VPS13B: variants seen among roughly 807,000 people sequenced by gnomAD.
VPS13B encodes the protein intermembrane lipid transfer protein VPS13B.
VPS13B carries 285 observed loss-of-function variants against 426.4 expected under a neutral mutation model. The observed-to-expected ratio is 0.67, with a 90% CI of 0.61 to 0.74. The LOEUF is 0.74. Ranked by LOEUF, VPS13B falls within the 30% of genes least tolerant of loss-of-function variation. The pLI, the probability that VPS13B is intolerant of heterozygous loss-of-function variation, is 0.00. For synonymous variants in VPS13B, 1,676 were observed against 1,676.4 expected, an observed-to-expected ratio of 1.00 and a Z score of 0.01; for missense variants, 4,537 against 4,782.6, an observed-to-expected ratio of 0.95 and a Z score of 1.51.
At chr8:99,418,719 C>T (rs1206453536) in intron 21 of VPS13B, among the ~76,000 whole-genome samples, 1 of 151,902 alleles carries the variant, frequency 6.6e-6, no homozygotes, top group Non-Finnish European at 1.5e-5. Context: ...TGGCTAATAA[C>T]ACTTTATCTT....
rs976457986 is a variant in VPS13B, at chr8:99,136,573, C to T, written c.1564-92C>T. On this transcript the variant is annotated intron_variant, in intron 11 of 61. Transcript: ENST00000357162. ...GTCATCCTTTGTGTTGTTATACATTCTATATAAAGATATGTGTCTAACCTA... is the reference window on the plus strand; with the variant it reads ...GTCATCCTTTGTGTTGTTATACATTTTATATAAAGATATGTGTCTAACCTA... 1.6e-5 allele frequency: 19 copies of T among 1,212,786 alleles called. No individual in the cohort carries two copies. In the African/African-American group the frequency reaches 2.7e-4, roughly 17 times the overall value. 75.1% of individuals were successfully genotyped at this position (1,212,786 alleles called of 1,614,324 possible).
intron 25 of VPS13B, among the ~76,000 whole-genome samples, chr8:99,497,971 G>T (rs543505014): frequency 1.3e-5 from 2 of 151,808 alleles, no homozygotes; most frequent in Admixed American, 6.6e-5. Context: ...GAATATCTAT[G>T]AAAAAAATAA....
intron 17 of VPS13B, among the ~76,000 whole-genome samples, chr8:99,202,244 T>TAAAATTCAA (rs1814375195): frequency 6.6e-6 from 1 of 152,202 alleles, no homozygotes; most frequent in Non-Finnish European, 1.5e-5. Flanking sequence ...GAGAAAAGAA[T>TAAAATTCAA]AAAATTCAAG....
At chr8:99,076,048 C>T (rs551370326) in intron 3 of VPS13B, among the ~76,000 whole-genome samples, 7 of 151,858 alleles carry the variant, frequency 4.6e-5, no homozygotes, top group South Asian at 2.1e-4. Context: ...CATGAGTTTT[C>T]GTATGTTGTA....
At chr8:99,369,697 G>T (rs73287856) in intron 19 of VPS13B, among the ~76,000 whole-genome samples, 1 of 152,070 alleles carries the variant, frequency 6.6e-6, no homozygotes, top group Non-Finnish European at 1.5e-5. Context: ...TACTCGTTGG[G>T]GATACTAACT....
chr8:99,179,801 T>G (rs79153234), intron 16 of VPS13B, among the ~76,000 whole-genome samples: 1 of 152,284 alleles, frequency 6.6e-6, no homozygotes, highest in East Asian at 1.9e-4. Context: ...TTTATTGGCA[T>G]GCGTCTGGCT....
At chr8:99,305,848 G>A (rs1820609055) in intron 19 of VPS13B, among the ~76,000 whole-genome samples, 2 of 152,044 alleles carry the variant, frequency 1.3e-5, no homozygotes, top group Admixed American at 1.3e-4. Context: ...TTTGACATTA[G>A]CCACTCTGCT....
intron 56 of VPS13B, among the ~76,000 whole-genome samples, chr8:99,856,913 A>C (rs1422131407): frequency 6.6e-6 from 1 of 152,206 alleles, no homozygotes; most frequent in Non-Finnish European, 1.5e-5. Flanking sequence ...GCAGAATAAA[A>C]ATAAATAGTA....
chr8:99,851,532 G>A (rs1816295891), intron 55 of VPS13B, among the ~76,000 whole-genome samples: 1 of 152,190 alleles, frequency 6.6e-6, no homozygotes, highest in Admixed American at 6.5e-5. Flanking sequence ...ACAAATTGGT[G>A]TAGGTAAGCT....
intron 39 of VPS13B, among the ~76,000 whole-genome samples, chr8:99,742,255 C>G (rs1809776809): frequency 6.6e-6 from 1 of 152,182 alleles, no homozygotes; most frequent in African/African-American, 2.4e-5. Flanking sequence ...GACACATACA[C>G]CCTCCCAAGA....
intron 43 of VPS13B, among the ~76,000 whole-genome samples, chr8:99,809,170 G>A (rs1352324384): frequency 1.3e-5 from 2 of 152,132 alleles, no homozygotes; most frequent in Non-Finnish European, 1.5e-5. Context: ...AATGTGATCT[G>A]AAAAACCACA....
chr8:99,119,388 G>C (rs1036799750), intron 7 of VPS13B: 1 of 152,380 alleles, frequency 6.6e-6, no homozygotes, highest in Non-Finnish European at 1.5e-5. Flanking sequence ...GGGACTACAG[G>C]TGCACGACAC....
At chr8:99,064,939 G>C (rs925657814) in intron 3 of VPS13B, among the ~76,000 whole-genome samples, 2 of 152,218 alleles carry the variant, frequency 1.3e-5, no homozygotes, top group Admixed American at 1.3e-4. Flanking sequence ...CCAGAAGAGA[G>C]TGGGGGCCAA....
At chr8:99,644,986 C>G (rs1478005416) in intron 34 of VPS13B, among the ~76,000 whole-genome samples, 3 of 152,146 alleles carry the variant, frequency 2.0e-5, no homozygotes. Flanking sequence ...AGTTAAGTAA[C>G]TTCCCCAAGG....
At chr8:99,766,286 G>A (rs559719444) in intron 39 of VPS13B, among the ~76,000 whole-genome samples, 6 of 151,848 alleles carry the variant, frequency 4.0e-5, no homozygotes, top group Admixed American at 2.0e-4. Context: ...GTTTCACCAC[G>A]TTGGCCAGGC....
At chr8:99,018,282 A>G (rs904773945) in intron 2 of VPS13B, among the ~76,000 whole-genome samples, 2 of 152,174 alleles carry the variant, frequency 1.3e-5, no homozygotes, top group African/African-American at 4.8e-5. Flanking sequence ...GCTACTTGGG[A>G]CGCTGGGGCA....
rs201735478 is a variant in VPS13B, at chr8:99,779,004, A to G, written c.7752A>G (p.Leu2584=). ...TTGGACAGCATGTAGTCCATTCACT[A>G]AACACTGCAATACAAGCTTGGCAAC... ...VNLGQHVVHS[L]NTAIQAWQQN... The change falls in exon 42 of 62, where the codon CTA becomes CTG. Residue 2584 remains leucine (L), a synonymous_variant. Coordinates refer to ENST00000357162, the MANE Select transcript of VPS13B (RefSeq NM_152564.5). 171 of 1,613,694 alleles carry G rather than the reference A, an allele frequency of 1.1e-4. No individual in the cohort carries two copies. The highest frequency in any genetic ancestry group is 7.6e-6 in the Non-Finnish European group (9 of 1,179,828).
chr8:99,667,369 T>G (rs1830529809), intron 35 of VPS13B, among the ~76,000 whole-genome samples: 1 of 152,200 alleles, frequency 6.6e-6, no homozygotes, highest in South Asian at 2.1e-4. Flanking sequence ...ACAGATATTT[T>G]GGGGAACAGG....
At chr8:99,038,676 ATAC>A in intron 3 of VPS13B, 110 bp downstream of exon 3, 1 of 495,460 alleles carries the variant, frequency 2.0e-6, no homozygotes, top group Non-Finnish European at 3.2e-6. Flanking sequence ...CTTAGCTTAT[ATAC>A]TTTTTTTTTT....
Sources: gnomAD v4.1 joint callset for allele counts (sites outside exome capture counted in the v4.1 genomes callset) on GRCh38, gnomAD v4.1.1 for gene constraint, MANE v1.5 for transcripts, NCBI Gene and HGNC (gene_info 2026-07-23, HGNC 2026-07-21) for gene names.